Variants in ERG observed in about 807,000 individuals in gnomAD.
ERG encodes the protein transcriptional regulator ERG.
Under a neutral mutation model 55.3 loss-of-function variants are expected in ERG, and 9 were observed. The ratio of observed to expected loss-of-function variants is 0.16; its 90% CI spans 0.10 to 0.28. ERG has a LOEUF of 0.28. Ranked by LOEUF, ERG falls within the 10% of genes least tolerant of loss-of-function variation. The pLI, the probability that ERG is intolerant of heterozygous loss-of-function variation, is 1.00. For synonymous variants in ERG, 223 were observed against 237.3 expected (o/e 0.94, Z 0.55); for missense variants, 434 against 631.6 (o/e 0.69, Z 3.35).
At chr21:38,512,332 G>A (rs1049014757) in intron 2 of ERG, among the ~76,000 whole-genome samples, 2 of 152,188 alleles carry the variant, frequency 1.3e-5, no homozygotes, top group African/African-American at 4.8e-5. Context: ...GCAAGAATGT[G>A]GAGGAAAAAG....
intron 1 of ERG, among the ~76,000 whole-genome samples, chr21:38,489,650 G>A (rs1428893775): frequency 6.6e-6 from 1 of 152,246 alleles, no homozygotes; most frequent in East Asian, 1.9e-4. Flanking sequence ...AAAGTGAAAA[G>A]TTAGAACTCA....
chr21:38,429,511 G>A lies in ERG; in HGVS notation c.237-5950C>T, dbSNP rs540516871. On this transcript the variant is annotated intron_variant, in intron 2 of 9. Transcript: ENST00000288319. ...TGCACATGTACATATATACATATGTGTATATACATGTATGCACATGTACAT... is the reference window on the plus strand; with the variant it reads ...TGCACATGTACATATATACATATGTATATATACATGTATGCACATGTACAT... Among the ~76,000 whole-genome samples, 171 of 103,400 alleles carry A rather than the reference G, an allele frequency of 1.7e-3. 75 individuals are homozygous for A. The highest frequency in any genetic ancestry group is 0.014 in the Admixed American group (134 of 9,824). 67.8% of individuals were successfully genotyped at this position (103,400 alleles called of 152,430 possible). A position where few individuals can be genotyped will look rare whatever the true frequency, so the allele number is the denominator to read the frequency against.
chr21:38,554,860 T>C (rs925289473), intron 2 of ERG, among the ~76,000 whole-genome samples: 1 of 151,848 alleles, frequency 6.6e-6, no homozygotes, highest in African/African-American at 2.4e-5. Context: ...ACTAAATCCC[T>C]ATCTCACATT....
At chr21:38,548,666 G>A (rs954097369) in intron 2 of ERG, among the ~76,000 whole-genome samples, 26 of 136,164 alleles carry the variant, frequency 1.9e-4, no homozygotes, top group African/African-American at 5.5e-4. Flanking sequence ...ACGTTTGACC[G>A]TGTTAGCCAG....
chr21:38,512,904 A>G (rs1327129918), intron 2 of ERG, among the ~76,000 whole-genome samples: 1 of 152,134 alleles, frequency 6.6e-6, no homozygotes, highest in Non-Finnish European at 1.5e-5. Context: ...AGGCCGAGGC[A>G]GGCGGATCAT....
chr21:38,604,251 C>CA (rs397972884), intron 1 of ERG, among the ~76,000 whole-genome samples: 5,111 of 94,010 alleles, frequency 0.054, 152 homozygotes, highest in African/African-American at 0.098. Flanking sequence ...GAGACTCCGT[C>CA]AAAAAAAAAA....
At chr21:38,449,089 A>C (rs1356771873) in intron 1 of ERG, 7 of 152,236 alleles carry the variant, frequency 4.6e-5, no homozygotes, top group Non-Finnish European at 7.3e-5. Flanking sequence ...GTTATTGCAG[A>C]AACTCTGGCC....
At chr21:38,392,497 G>T (rs2146432405) in intron 6 of ERG, 53 bp from the exon 7 acceptor site, 4 of 1,269,276 alleles carry the variant, frequency 3.2e-6, no homozygotes, top group East Asian at 2.8e-5. Flanking sequence ...TTTTATAAGA[G>T]ATGCTTTGGT....
chr21:38,386,386 A>G (rs756155391), intron 9 of ERG, among the ~76,000 whole-genome samples: 5 of 152,342 alleles, frequency 3.3e-5, no homozygotes, highest in Non-Finnish European at 7.4e-5. Flanking sequence ...CAAACTCATT[A>G]ATTGTTAAAT....
At chr21:38,528,790 T>C (rs1402044653) in intron 2 of ERG, among the ~76,000 whole-genome samples, 1 of 152,192 alleles carries the variant, frequency 6.6e-6, no homozygotes, top group African/African-American at 2.4e-5. Context: ...TAAAATTTGG[T>C]ATAATTAATA....
chr21:38,475,511 A>G (rs2059178906), intron 1 of ERG, among the ~76,000 whole-genome samples: 1 of 152,130 alleles, frequency 6.6e-6, no homozygotes, highest in African/African-American at 2.4e-5. Context: ...CTGCTCTCAG[A>G]CACCCTCTGC....
chr21:38,556,972 G>C (rs566320523), intron 2 of ERG, among the ~76,000 whole-genome samples: 51 of 152,174 alleles, frequency 3.4e-4, no homozygotes, highest in Non-Finnish European at 6.2e-4. Flanking sequence ...AATCATCCAA[G>C]GTTACCCAAT....
chr21:38,596,776 A>T (rs1568939356), intron 1 of ERG, among the ~76,000 whole-genome samples: 2 of 152,218 alleles, frequency 1.3e-5, no homozygotes, highest in South Asian at 4.1e-4. Context: ...TCTTGAGAAG[A>T]CTGAAGAACA....
chr21:38,458,435 A>AG (rs1282721349), intron 1 of ERG, among the ~76,000 whole-genome samples: 3 of 151,772 alleles, frequency 2.0e-5, no homozygotes, highest in Admixed American at 1.3e-4. Context: ...AAAAAAAAAA[A>AG]AAAAAAAAGA....
intron 1 of ERG, among the ~76,000 whole-genome samples, chr21:38,659,131 T>G (rs1568978102): frequency 6.6e-6 from 1 of 152,216 alleles, no homozygotes; most frequent in Non-Finnish European, 1.5e-5. Flanking sequence ...CATTTGCTAA[T>G]TCAGTGTACT....
chr21:38,394,193 G>T, intron 6 of ERG, among the ~76,000 whole-genome samples: 1 of 151,944 alleles, frequency 6.6e-6, no homozygotes, highest in South Asian at 2.1e-4. Context: ...TTTACCAAAT[G>T]AAAAAAAGCA....
chr21:38,455,158 G>A (rs1015398433), intron 1 of ERG, among the ~76,000 whole-genome samples: 12 of 147,860 alleles, frequency 8.1e-5, no homozygotes, highest in Non-Finnish European at 1.5e-4. Flanking sequence ...AAGGCACAAA[G>A]TTGATAGCCC....
intron 2 of ERG, among the ~76,000 whole-genome samples, chr21:38,505,280 G>A (rs141099842): frequency 0.015 from 2,327 of 152,212 alleles, 33 homozygotes; most frequent in South Asian, 0.03. Context: ...CTGTCTCAGC[G>A]CAGTAACTGC....
At chr21:38,468,633 C>A (rs1437943357) in intron 1 of ERG, among the ~76,000 whole-genome samples, 1 of 152,142 alleles carries the variant, frequency 6.6e-6, no homozygotes, top group Non-Finnish European at 1.5e-5. Context: ...TCACCATATA[C>A]CTCATCAAGC....
Sources: gnomAD v4.1 joint callset for allele counts (sites outside exome capture counted in the v4.1 genomes callset) on GRCh38, gnomAD v4.1.1 for gene constraint, MANE v1.5 for transcripts, NCBI Gene and HGNC (gene_info 2026-07-23, HGNC 2026-07-21) for gene names.